Variants in PLD5 observed in about 807,000 individuals in gnomAD.
PLD5 encodes the protein phospholipase D family member 5.
PLD5 carries 36 observed loss-of-function variants against 61.1 expected under a neutral mutation model. That is an observed-to-expected ratio of 0.59 (90% CI 0.45 to 0.78). PLD5 has a LOEUF of 0.78. PLD5 is among the 30% of genes least tolerant of loss of function. The probability of loss-of-function intolerance (pLI) is 0.00; values close to 1 mark genes in which losing one functional copy is unlikely to be tolerated. For synonymous variants in PLD5, 243 were observed against 242.8 expected, an observed-to-expected ratio of 1.00 and a Z score of -0.01; for missense variants, 515 against 644.4, an observed-to-expected ratio of 0.80 and a Z score of 2.17.
chr1:242,134,021 G>T (rs1016222482), intron 5 of PLD5, among the ~76,000 whole-genome samples: 1 of 152,188 alleles, frequency 6.6e-6, no homozygotes, highest in African/African-American at 2.4e-5. Context: ...CAGTGAGGAA[G>T]TTGAGGTCAT....
chr1:242,238,329 T>C (rs7525769), intron 4 of PLD5, among the ~76,000 whole-genome samples: 1,710 of 152,316 alleles, frequency 0.011, 37 homozygotes, highest in African/African-American at 0.039. Context: ...AAACACCTGC[T>C]ACCCTCTTCC....
At chr1:242,522,867 T>C (rs1308790038) in intron 1 of PLD5, among the ~76,000 whole-genome samples, 1 of 152,192 alleles carries the variant, frequency 6.6e-6, no homozygotes, top group African/African-American at 2.4e-5. Context: ...ACACATAAAA[T>C]AGTGCTGTTA....
At chr1:242,187,515 C>A (rs1007002482) in intron 5 of PLD5, among the ~76,000 whole-genome samples, 4 of 152,166 alleles carry the variant, frequency 2.6e-5, no homozygotes, top group Admixed American at 2.6e-4. Context: ...TATTAATATA[C>A]AAATATATAA....
chr1:242,412,010 G>A (rs1167504381), intron 1 of PLD5, among the ~76,000 whole-genome samples: 1 of 152,150 alleles, frequency 6.6e-6, no homozygotes, highest in Admixed American at 6.5e-5. Context: ...TTAGTGCTCA[G>A]TAAATCTACA....
intron 5 of PLD5, among the ~76,000 whole-genome samples, chr1:242,163,641 A>T (rs1666068255): frequency 6.6e-6 from 1 of 152,200 alleles, no homozygotes; most frequent in African/African-American, 2.4e-5. Flanking sequence ...CTGTCCATTC[A>T]TTCTATCTCC....
At chr1:242,456,869 CCCGACACTGCGTCCGTAACACTATTT>C (rs1037115885) in intron 1 of PLD5, among the ~76,000 whole-genome samples, 3 of 152,136 alleles carry the variant, frequency 2.0e-5, no homozygotes, top group African/African-American at 7.2e-5. Context: ...AAAATCCCCG[CCCGACACTGCGTCCGTAACACTATTT>C]CCTAATTCCT....
At chr1:242,520,452 G>A (rs1669245564) in intron 1 of PLD5, among the ~76,000 whole-genome samples, 2 of 152,176 alleles carry the variant, frequency 1.3e-5, no homozygotes, top group Non-Finnish European at 2.9e-5. Context: ...GTGCATCTTG[G>A]TAACTGTGAG....
intron 3 of PLD5, among the ~76,000 whole-genome samples, chr1:242,278,777 T>C (rs138541479): frequency 5.6e-4 from 86 of 152,376 alleles, no homozygotes; most frequent in African/African-American, 1.7e-3. Context: ...AGCACCTTGA[T>C]AAATGTTTGT....
rs552891953 is a variant in PLD5 at position 242,394,040 on chromosome 1, AGAC to A, written c.190-45801_190-45799del. 6.2e-4 allele frequency among the ~76,000 whole-genome samples: 90 copies of A among 144,952 alleles called. 11 individuals carry two copies. The highest frequency in any genetic ancestry group is 3.6e-3 in the Middle Eastern group (1 of 280). On this transcript the variant is annotated intron_variant, in intron 1 of 9. Transcript: ENST00000536534. ...ACGCCACTGAACTCCAGCCTGGATA[AGAC>A]GACGACTCCATCTCAAAAAAAAACA...
At chr1:242,363,543 T>A (rs1196715990) in intron 1 of PLD5, among the ~76,000 whole-genome samples, 6 of 150,350 alleles carry the variant, frequency 4.0e-5, no homozygotes, top group Admixed American at 3.3e-4. Flanking sequence ...GAATATTTTT[T>A]AAAATATGAT....
chr1:242,357,496 T>C (rs1315115568), intron 1 of PLD5, among the ~76,000 whole-genome samples: 1 of 151,780 alleles, frequency 6.6e-6, no homozygotes. Context: ...TTTCTTTTTT[T>C]TTTTTTGAGA....
In PLD5 at chr1:242,124,135, T is replaced by C. The variant is rs897667742; in HGVS notation, c.933+333A>G. On this transcript the variant is annotated intron_variant, in intron 6 of 9. Transcript: ENST00000536534. The stretch of plus-strand genomic sequence containing the variant: ...AAGAGCTGGGTGCTGGCTCCGCTCT[T>C]AGCATGTCCCATCGGATGGGCTTTT... 3.3e-5 allele frequency among the ~76,000 whole-genome samples: 5 copies of C among 152,202 alleles called. No individual in the cohort carries two copies. The East Asian group carries it at 9.6e-4, about 29-fold the overall frequency.
At chr1:242,174,110 C>A (rs1282909998) in intron 5 of PLD5, among the ~76,000 whole-genome samples, 1 of 152,138 alleles carries the variant, frequency 6.6e-6, no homozygotes, top group Admixed American at 6.5e-5. Flanking sequence ...AGTGAACAGG[C>A]AACCTACAGA....
chr1:242,333,641 T>G (rs1659327220), intron 2 of PLD5, among the ~76,000 whole-genome samples: 1 of 152,178 alleles, frequency 6.6e-6, no homozygotes, highest in Admixed American at 6.5e-5. Context: ...TATATCCTTT[T>G]CCCTACTTTG....
chr1:242,184,259 A>G (rs1558316868), intron 5 of PLD5, among the ~76,000 whole-genome samples: 1 of 152,186 alleles, frequency 6.6e-6, no homozygotes, highest in Non-Finnish European at 1.5e-5. Context: ...AGAGCAACAA[A>G]TTTTACTAGG....
At chr1:242,507,982 C>CT (rs1668780200) in intron 1 of PLD5, among the ~76,000 whole-genome samples, 1 of 117,266 alleles carries the variant, frequency 8.5e-6, no homozygotes, top group South Asian at 2.4e-4. Flanking sequence ...TCAGTAAAGA[C>CT]TTTTTTAATC....
chr1:242,300,467 AAAGAAAGAAAG>A (rs1471472715), intron 2 of PLD5, among the ~76,000 whole-genome samples: 2 of 1,982 alleles, frequency 1.0e-3, no homozygotes, highest in Non-Finnish European at 7.0e-3. Context: ...AGAAAGAAAG[AAAGAAAGAAAG>A]AAGAAGAAAT....
At chr1:242,269,170 A>C (rs1673899299) in intron 3 of PLD5, among the ~76,000 whole-genome samples, 1 of 152,196 alleles carries the variant, frequency 6.6e-6, no homozygotes, top group South Asian at 2.1e-4. Flanking sequence ...AATAAGAAAT[A>C]ACAAAAGCCC....
intron 1 of PLD5, among the ~76,000 whole-genome samples, chr1:242,379,448 T>G (rs1173287953): frequency 6.6e-6 from 1 of 152,154 alleles, no homozygotes; most frequent in Non-Finnish European, 1.5e-5. Flanking sequence ...CACCAGCCAT[T>G]GCTAACATAT....
Sources: gnomAD v4.1 joint callset for allele counts (sites outside exome capture counted in the v4.1 genomes callset) on GRCh38, gnomAD v4.1.1 for gene constraint, MANE v1.5 for transcripts, NCBI Gene and HGNC (gene_info 2026-07-23, HGNC 2026-07-21) for gene names.